Variants in ANO10 observed in about 807,000 individuals in gnomAD.
ANO10 encodes anoctamin-10.
Under a neutral mutation model 74.7 loss-of-function variants are expected in ANO10, and 77 were observed. The observed-to-expected ratio is 1.03, with a 90% CI of 0.86 to 1.25. The LOEUF (loss-of-function observed/expected upper bound fraction) is 1.25. Ranked by LOEUF, ANO10 falls within the 50% of genes most tolerant of loss-of-function variation. ANO10 has a pLI of 0.00. For missense variants in ANO10, 721 were observed against 778.1 expected (o/e 0.93, Z 0.87); for synonymous variants, 279 against 284.9 (o/e 0.98, Z 0.21).
At position 43,365,891 on chromosome 3, in the gene ANO10, TC is replaced by T. The variant is rs1320037479; in HGVS notation, c.*1014del. Reference sequence around the variant, plus strand: ...CTGTCCGAGTGGAGGTGCCCACGGGTCTGTAGTGTCTTGGCTACAGCAGGAC... The same window carrying T: ...CTGTCCGAGTGGAGGTGCCCACGGGTTGTAGTGTCTTGGCTACAGCAGGAC... On this transcript the variant is annotated 3_prime_UTR_variant, in exon 13 of 13. Coordinates refer to ENST00000292246, the MANE Select transcript of ANO10 (RefSeq NM_018075.5). 6.6e-6 allele frequency: 1 copy of T among 152,396 alleles called. No individual in the cohort carries two copies. Among genetic ancestry groups the T allele is most frequent in the Non-Finnish European group, 1.5e-5 (1 of 68,180 alleles). The allele number at this position is 152,396 out of a possible 1,614,324, so 9.4% of individuals were successfully genotyped here. A position where few individuals can be genotyped will look rare whatever the true frequency, so the allele number is the denominator to read the frequency against.
intron 12 of ANO10, among the ~76,000 whole-genome samples, chr3:43,401,925 G>C (rs1233941906): frequency 6.6e-6 from 1 of 152,158 alleles, no homozygotes; most frequent in Non-Finnish European, 1.5e-5. Flanking sequence ...AAGGGAGTGG[G>C]TGTCACCCTC....
At chr3:43,628,888 G>A (rs1360357437) in intron 1 of ANO10, among the ~76,000 whole-genome samples, 2 of 152,286 alleles carry the variant, frequency 1.3e-5, no homozygotes, top group East Asian at 1.9e-4. Flanking sequence ...TGACAATGGT[G>A]CCCGAAACTT....
intron 11 of ANO10, among the ~76,000 whole-genome samples, chr3:43,525,642 T>C (rs1346687445): frequency 2.0e-5 from 3 of 152,198 alleles, no homozygotes; most frequent in Non-Finnish European, 4.4e-5. Context: ...GTAATGTAAA[T>C]GGGATAGAGT....
At chr3:43,485,017 C>A in intron 11 of ANO10, 1 of 1,466,402 alleles carries the variant, frequency 6.8e-7, no homozygotes, top group African/African-American at 1.4e-5. Context: ...GTGGCTTGTG[C>A]TGACGGCTCA....
At chr3:43,673,116 G>A (rs1436332353) in intron 1 of ANO10, among the ~76,000 whole-genome samples, 2 of 152,172 alleles carry the variant, frequency 1.3e-5, no homozygotes, top group African/African-American at 4.8e-5. Flanking sequence ...ATATTTCAGT[G>A]TGGAATCAAT....
chr3:43,441,939 A>C (rs984254501), intron 11 of ANO10, among the ~76,000 whole-genome samples: 2 of 152,202 alleles, frequency 1.3e-5, no homozygotes, highest in African/African-American at 2.4e-5. Context: ...AGTATACGAC[A>C]AAATTCAATA....
At chr3:43,515,351 G>C (rs1447563938) in intron 11 of ANO10, among the ~76,000 whole-genome samples, 2 of 152,192 alleles carry the variant, frequency 1.3e-5, no homozygotes, top group Non-Finnish European at 2.9e-5. Flanking sequence ...GGGTAAGAAA[G>C]AATTCTCTCT....
At chr3:43,382,651 A>G (rs2092001211) in intron 12 of ANO10, among the ~76,000 whole-genome samples, 1 of 152,194 alleles carries the variant, frequency 6.6e-6, no homozygotes, top group East Asian at 1.9e-4. Context: ...GATTAAGAAG[A>G]GAGAAGATCC....
chr3:43,474,278 T>G (rs2075981492), intron 11 of ANO10, among the ~76,000 whole-genome samples: 1 of 136,904 alleles, frequency 7.3e-6, no homozygotes, highest in Non-Finnish European at 1.5e-5. Context: ...AAGAGAAAAC[T>G]GATGGGCTCA....
At chr3:43,565,547 A>G (rs1372419224) in intron 8 of ANO10, 106 bp downstream of exon 8, 3 of 959,572 alleles carry the variant, frequency 3.1e-6, no homozygotes, top group Non-Finnish European at 4.7e-6. Context: ...ACAAAATTTA[A>G]AAGATTTTAT....
At chr3:43,513,514 T>A (rs1010792272) in intron 11 of ANO10, among the ~76,000 whole-genome samples, 3 of 151,764 alleles carry the variant, frequency 2.0e-5, no homozygotes, top group Non-Finnish European at 2.9e-5. Context: ...CTTCTATGAA[T>A]TTTTTTTTCT....
intron 12 of ANO10, among the ~76,000 whole-genome samples, chr3:43,426,396 G>C (rs1377391132): frequency 2.0e-5 from 3 of 152,182 alleles, no homozygotes; most frequent in African/African-American, 2.4e-5. Flanking sequence ...GATAAGGCCT[G>C]GCCCAGTTGG....
Position 43,498,291 on chromosome 3 carries a change from C to G in ANO10, c.1797+51429G>C, listed in dbSNP as rs146819351. 7.5e-4 allele frequency among the ~76,000 whole-genome samples: 114 copies of G among 152,220 alleles called. 1 individual carries two copies. Among genetic ancestry groups the G allele is most frequent in the African/African-American group, 2.6e-3 (110 of 41,538 alleles). ...CTTGGGAAGCCACTGGCTGTTCTGA[C>G]CTTGGATATTTCTAATGCCTCCCCA... On this transcript the variant is annotated intron_variant, in intron 11 of 12. Transcript: ENST00000292246.
intron 11 of ANO10, among the ~76,000 whole-genome samples, chr3:43,542,352 A>G (rs966362789): frequency 1.3e-5 from 2 of 152,112 alleles, no homozygotes; most frequent in Non-Finnish European, 2.9e-5. Flanking sequence ...GAGAGAAGAA[A>G]ACAGCCATGC....
intron 11 of ANO10, among the ~76,000 whole-genome samples, chr3:43,534,595 A>T (rs1399686116): frequency 6.6e-6 from 1 of 152,038 alleles, no homozygotes; most frequent in Non-Finnish European, 1.5e-5. Context: ...CTCAGACAAC[A>T]CTCCTGACAA....
chr3:43,382,063 G>C (rs1220508532), intron 12 of ANO10, among the ~76,000 whole-genome samples: 5 of 152,214 alleles, frequency 3.3e-5, no homozygotes, highest in African/African-American at 1.2e-4. Flanking sequence ...ATACAGCAAA[G>C]GCAGTGCGGA....
intron 11 of ANO10, among the ~76,000 whole-genome samples, chr3:43,477,447 C>G (rs2076107687): frequency 6.6e-6 from 1 of 152,198 alleles, no homozygotes; most frequent in South Asian, 2.1e-4. Context: ...CGTACTCCAT[C>G]TATTACCTTC....
At chr3:43,566,451 A>C (rs2080350343) in intron 7 of ANO10, among the ~76,000 whole-genome samples, 2 of 152,362 alleles carry the variant, frequency 1.3e-5, no homozygotes, top group South Asian at 4.1e-4. Context: ...ACAGCTTGGA[A>C]GAGAGCAGTG....
At chr3:43,661,501 T>C (rs2083926195) in intron 1 of ANO10, among the ~76,000 whole-genome samples, 1 of 152,174 alleles carries the variant, frequency 6.6e-6, no homozygotes, top group Admixed American at 6.5e-5. Flanking sequence ...CATCAATTAA[T>C]GGGCAAAATA....
Sources: gnomAD v4.1 joint callset for allele counts (sites outside exome capture counted in the v4.1 genomes callset) on GRCh38, gnomAD v4.1.1 for gene constraint, MANE v1.5 for transcripts, NCBI Gene and HGNC (gene_info 2026-07-23, HGNC 2026-07-21) for gene names.